Variants in GRIP2 observed in about 807,000 individuals in gnomAD.
GRIP2 encodes glutamate receptor interacting protein 2.
Under a neutral mutation model 108.3 loss-of-function variants are expected in GRIP2, and 58 were observed. The observed-to-expected ratio is 0.54, with a 90% CI of 0.43 to 0.67. The LOEUF (loss-of-function observed/expected upper bound fraction) is 0.67. GRIP2 is among the 30% of genes least tolerant of loss of function. The pLI is 0.00. For synonymous variants in GRIP2, 586 were observed against 598.2 expected (o/e 0.98, Z 0.30); for missense variants, 1,278 against 1,430.6 (o/e 0.89, Z 1.72).
chr3:14,598,784 C>T, the GRIP2 span, among the ~76,000 whole-genome samples: 11 of 152,142 alleles, frequency 7.2e-5, no homozygotes, highest in African/African-American at 2.7e-4. Context: ...TCTTTCTCTT[C>T]CTCCAACAGG....
intron 1 of GRIP2, among the ~76,000 whole-genome samples, chr3:14,534,355 G>A (rs879884729): frequency 6.6e-6 from 1 of 151,700 alleles, no homozygotes; most frequent in Admixed American, 6.5e-5. Flanking sequence ...CCCTTGGGGG[G>A]GTCAGACCCT....
chr3:14,574,171 G>A, the GRIP2 span: 4 of 896,726 alleles, frequency 4.5e-6, no homozygotes, highest in East Asian at 9.6e-5. Context: ...ATGGTGACGA[G>A]CAAGTGCACG....
At chr3:14,555,314 C>T (rs918351511) in intron 1 of GRIP2, among the ~76,000 whole-genome samples, 2 of 152,144 alleles carry the variant, frequency 1.3e-5, no homozygotes, top group Non-Finnish European at 2.9e-5. Flanking sequence ...AACCCCAGCC[C>T]ATCTGGACAG....
intron 10 of GRIP2, 114 bp from the exon 11 acceptor site, chr3:14,517,327 T>TC: frequency 1.9e-6 from 2 of 1,052,332 alleles, no homozygotes; most frequent in Non-Finnish European, 2.7e-6. Flanking sequence ...GCCTTCCCCC[T>TC]TCACATCAGT....
chr3:14,506,758 C>T (rs1426138967), intron 19 of GRIP2, 43 bp downstream of exon 19: 5 of 1,520,292 alleles, frequency 3.3e-6, no homozygotes, highest in Middle Eastern at 1.8e-4. Context: ...CAGGGGCGGC[C>T]TAGAGAGAGC....
intron 21 of GRIP2, among the ~76,000 whole-genome samples, chr3:14,499,619 GT>G (rs1189738666): frequency 6.6e-6 from 1 of 152,084 alleles, no homozygotes; most frequent in Non-Finnish European, 1.5e-5. Context: ...AGCTACTCGG[GT>G]GGCAGAGGCA....
chr3:14,539,182 G>A (rs901516579), intron 1 of GRIP2, among the ~76,000 whole-genome samples: 4 of 152,224 alleles, frequency 2.6e-5, no homozygotes, highest in Admixed American at 6.5e-5. Flanking sequence ...AAAATGGAGA[G>A]AATAACAGTA....
intron 1 of GRIP2, among the ~76,000 whole-genome samples, chr3:14,537,683 C>T (rs886383654): frequency 6.6e-6 from 1 of 152,228 alleles, no homozygotes; most frequent in South Asian, 2.1e-4. Flanking sequence ...AGTAGGAGGC[C>T]AGGCCTGCCT....
chr3:14,525,848 T>A lies in GRIP2; in HGVS notation c.121+3A>T. 1 of 1,556,238 alleles carries A rather than the reference T, an allele frequency of 6.4e-7. No individual in the cohort carries two copies. The highest frequency in any genetic ancestry group is 8.7e-7 in the Non-Finnish European group (1 of 1,149,762). Reference sequence around the variant, plus strand: ...AAAGAGGGAATGAGGGAAGCCTCATTACCTGGAATGCTCTGTCTGCGGCAC... The same window carrying A: ...AAAGAGGGAATGAGGGAAGCCTCATAACCTGGAATGCTCTGTCTGCGGCAC... On this transcript the variant is annotated splice_donor_region_variant and intron_variant, in intron 2 of 23. Transcript: ENST00000621039.
chr3:14,513,620 G>A (rs370180102), intron 13 of GRIP2, 45 bp downstream of exon 13: 2 of 1,569,026 alleles, frequency 1.3e-6, no homozygotes, highest in Admixed American at 1.8e-5. Context: ...GAGGAGGGGT[G>A]CAGGGCCCTG....
intron 21 of GRIP2, among the ~76,000 whole-genome samples, chr3:14,501,369 T>C (rs1693759602): frequency 6.6e-6 from 1 of 152,226 alleles, no homozygotes; most frequent in Admixed American, 6.5e-5. Context: ...GAATTTTATC[T>C]TGATAAACAG....
chr3:14,520,089 A>G lies in GRIP2; in HGVS notation c.1030+21T>C, dbSNP rs376282668. ...CATGACTGCCCAGGTTTGGGCCCTGAGATCTACTGAGGGGACCCACCTGCC... is the reference window on the plus strand; with the variant it reads ...CATGACTGCCCAGGTTTGGGCCCTGGGATCTACTGAGGGGACCCACCTGCC... On this transcript the variant is annotated intron_variant, in intron 9 of 23. Transcript: ENST00000621039. The G allele has an allele frequency of 5.7e-6, 9 of 1,567,796 alleles. No homozygotes were observed. The African/African-American group carries it at 1.2e-4, about 21-fold the overall frequency.
rs201264708 is a variant in GRIP2, at chr3:14,503,633, C to T, written c.2612G>A (p.Arg871His). 1.0e-4 allele frequency: 168 copies of T among 1,610,724 alleles called. No homozygotes were observed. In the African/African-American group the frequency reaches 1.7e-3, roughly 17 times the overall value. ...PGPAREEGFW[R>H]MFGEALEDLE... ...GTCTTCGAGAGCTTCTCCAAACATG[C>T]GCCAGAAGCCCTCCTCTCGGGCAGG... is the stretch of plus-strand genomic sequence containing the variant. Residue 871 changes from arginine (R) to histidine (H), a missense_variant, in exon 21 of 24, where the codon CGC becomes CAC. Coordinates refer to ENST00000621039, the MANE Select transcript of GRIP2 (RefSeq NM_001080423.4).
chr3:14,569,248 T>A, the GRIP2 span, among the ~76,000 whole-genome samples: 1 of 152,242 alleles, frequency 6.6e-6, no homozygotes, highest in Non-Finnish European at 1.5e-5. Context: ...GAATTACAAC[T>A]TCTGGGGAAG....
At chr3:14,495,207 G>C (rs1693555448) in intron 22 of GRIP2, among the ~76,000 whole-genome samples, 1 of 149,084 alleles carries the variant, frequency 6.7e-6, no homozygotes, top group South Asian at 2.1e-4. Context: ...CAACACTCAA[G>C]TACGACGGAG....
chr3:14,580,552 C>T, the GRIP2 span, among the ~76,000 whole-genome samples: 1 of 152,086 alleles, frequency 6.6e-6, no homozygotes, highest in Non-Finnish European at 1.5e-5. Flanking sequence ...AAAAAATTAG[C>T]CGGTGTGGTG....
At chr3:14,500,427 C>G (rs1693734713) in intron 21 of GRIP2, among the ~76,000 whole-genome samples, 2 of 152,142 alleles carry the variant, frequency 1.3e-5, no homozygotes, top group Non-Finnish European at 2.9e-5. Context: ...TAAACTCTTA[C>G]TGAGACACAT....
At chr3:14,585,160 C>A in the GRIP2 span, among the ~76,000 whole-genome samples, 1 of 152,140 alleles carries the variant, frequency 6.6e-6, no homozygotes, top group African/African-American at 2.4e-5. Flanking sequence ...GTAGCCGGGA[C>A]TACACTCACC....
chr3:14,536,656 T>C (rs1403361545), intron 1 of GRIP2, among the ~76,000 whole-genome samples: 1 of 152,178 alleles, frequency 6.6e-6, no homozygotes, highest in East Asian at 1.9e-4. Context: ...CATCCCACCA[T>C]GGGAGAGCGG....
Sources: gnomAD v4.1 joint callset for allele counts (sites outside exome capture counted in the v4.1 genomes callset) on GRCh38, gnomAD v4.1.1 for gene constraint, MANE v1.5 for transcripts, NCBI Gene and HGNC (gene_info 2026-07-23, HGNC 2026-07-21) for gene names.